The following VAT1L variants were observed in gnomAD, a reference collection of about 807,000 sequenced individuals.
The protein encoded by VAT1L is vesicle amine transport 1 like.
In VAT1L, 34 loss-of-function variants were observed where a neutral mutation model predicts 44.1. The ratio of observed to expected loss-of-function variants is 0.77; its 90% confidence interval spans 0.59 to 1.03. The LOEUF (loss-of-function observed/expected upper bound fraction) is 1.03, where lower values mean the gene tolerates loss of function less well. Ranked by LOEUF, VAT1L falls within the 50% of genes least tolerant of loss-of-function variation. The pLI is 0.00. For missense variants in VAT1L, 615 were observed against 538.8 expected, an observed-to-expected ratio of 1.14 and a Z score of -1.40; for synonymous variants, 253 against 202.2, an observed-to-expected ratio of 1.25 and a Z score of -2.13.
intron 1 of VAT1L, chr16:77,801,202 AT>A (rs5818087): frequency 0.74 from 111,823 of 151,250 alleles, 41,625 homozygotes; most frequent in Admixed American, 0.78. Flanking sequence ...GATCCCTGTG[AT>A]ACCAAGCATC....
chr16:77,890,544 A>T (rs1378434368), intron 7 of VAT1L, among the ~76,000 whole-genome samples: 2 of 152,188 alleles, frequency 1.3e-5, no homozygotes, highest in Non-Finnish European at 2.9e-5. Context: ...GTGGTCTCTG[A>T]TTAAAATTGC....
chr16:77,943,743 G>A (rs1033266938), intron 7 of VAT1L, among the ~76,000 whole-genome samples: 1 of 152,094 alleles, frequency 6.6e-6, no homozygotes, highest in African/African-American at 2.4e-5. Context: ...CACTAGCTGT[G>A]TGGTCTCAGA....
intron 7 of VAT1L, among the ~76,000 whole-genome samples, chr16:77,949,119 G>T (rs955735100): frequency 6.6e-6 from 1 of 152,182 alleles, no homozygotes; most frequent in East Asian, 1.9e-4. Flanking sequence ...GACCTTCAGA[G>T]AACAAACAGG....
chr16:77,962,522 G>A (rs931217196), intron 7 of VAT1L, among the ~76,000 whole-genome samples: 33 of 152,066 alleles, frequency 2.2e-4, no homozygotes, highest in South Asian at 4.1e-4. Flanking sequence ...ACAGAACCCA[G>A]TTGGAGTCCC....
At chr16:77,869,621 G>A (rs9938896) in intron 4 of VAT1L, among the ~76,000 whole-genome samples, 55,685 of 151,882 alleles carry the variant, frequency 0.37, 11,019 homozygotes, top group East Asian at 0.54. Context: ...GTGAGCTGTG[G>A]GCATGTCACT....
intron 7 of VAT1L, among the ~76,000 whole-genome samples, chr16:77,895,963 C>A (rs1281126260): frequency 6.6e-6 from 1 of 152,160 alleles, no homozygotes; most frequent in Non-Finnish European, 1.5e-5. Context: ...GTGCCACAGC[C>A]TGGGCAAAGG....
intron 4 of VAT1L, among the ~76,000 whole-genome samples, chr16:77,872,544 C>A (rs1032667268): frequency 6.6e-6 from 1 of 152,098 alleles, no homozygotes; most frequent in African/African-American, 2.4e-5. Context: ...CCGTGTGGTC[C>A]AACTCCCACC....
At chr16:77,871,401 T>C (rs903194209) in intron 4 of VAT1L, among the ~76,000 whole-genome samples, 1 of 152,148 alleles carries the variant, frequency 6.6e-6, no homozygotes, top group East Asian at 1.9e-4. Context: ...CCCACAAGTG[T>C]CTCCTTCTAG....
intron 7 of VAT1L, among the ~76,000 whole-genome samples, chr16:77,957,525 G>A (rs1031807760): frequency 2.6e-5 from 4 of 151,998 alleles, no homozygotes; most frequent in African/African-American, 9.7e-5. Flanking sequence ...AAGAGATCGA[G>A]ACCATCCAGG....
At chr16:77,898,711 C>G (rs2017350072) in intron 7 of VAT1L, among the ~76,000 whole-genome samples, 1 of 152,214 alleles carries the variant, frequency 6.6e-6, no homozygotes, top group South Asian at 2.1e-4. Context: ...CATCACCTTG[C>G]AGTCAAACCT....
chr16:77,876,507 CA>C (rs763881621), intron 5 of VAT1L, 34 bp downstream of exon 5: 56 of 1,578,328 alleles, frequency 3.5e-5, no homozygotes, highest in Non-Finnish European at 3.5e-6. Flanking sequence ...ACGTGGTCAG[CA>C]ATAGGTACCT....
intron 1 of VAT1L, among the ~76,000 whole-genome samples, chr16:77,815,880 A>G: frequency 2.0e-5 from 3 of 151,624 alleles, no homozygotes; most frequent in Non-Finnish European, 2.9e-5. Flanking sequence ...AGGCAGGAGA[A>G]TCGCTTGAAC....
intron 7 of VAT1L, among the ~76,000 whole-genome samples, chr16:77,929,724 G>C (rs2017706837): frequency 6.6e-6 from 1 of 152,134 alleles, no homozygotes; most frequent in Admixed American, 6.5e-5. Context: ...GGTGACATGA[G>C]GTAGGTGTTG....
intron 4 of VAT1L, among the ~76,000 whole-genome samples, chr16:77,870,438 A>C (rs2017019504): frequency 6.6e-6 from 1 of 152,198 alleles, no homozygotes; most frequent in African/African-American, 2.4e-5. Context: ...TTTCTTGGCA[A>C]GGTCAAAGGG....
intron 4 of VAT1L, 58 bp downstream of exon 4, chr16:77,862,948 C>T: frequency 1.3e-6 from 2 of 1,562,602 alleles, no homozygotes; most frequent in East Asian, 4.5e-5. Context: ...TCTCAAAGAG[C>T]AGTAGCACTT....
intron 3 of VAT1L, among the ~76,000 whole-genome samples, chr16:77,825,813 A>C (rs1013955738): frequency 2.0e-5 from 3 of 151,450 alleles, no homozygotes; most frequent in African/African-American, 7.3e-5. Context: ...TCAGGAGATC[A>C]AGACCATCCT....
Position 77,884,011 on chromosome 16 carries a change from G to A in VAT1L, c.883-597G>A, listed in dbSNP as rs995905560. Among the ~76,000 whole-genome samples the A allele has an allele frequency of 1.1e-4, 17 of 152,108 alleles. No individual in the cohort carries two copies. Among genetic ancestry groups the A allele is most frequent in the Admixed American group, 5.9e-4 (9 of 15,272 alleles). On this transcript the variant is annotated intron_variant, in intron 6 of 8. Transcript: ENST00000302536. The surrounding 1 kb of genome is among the most constrained non-coding windows in gnomAD (Gnocchi z 4.5). Reference sequence around the variant, plus strand: ...CGTTGTAGAGCCACGATTCAAGTCCGGAGCTGATGATCCTGACCATGTACT... The same window carrying A: ...CGTTGTAGAGCCACGATTCAAGTCCAGAGCTGATGATCCTGACCATGTACT...
At chr16:77,808,948 T>A (rs933802607) in intron 1 of VAT1L, among the ~76,000 whole-genome samples, 4 of 152,340 alleles carry the variant, frequency 2.6e-5, no homozygotes, top group African/African-American at 9.6e-5. Flanking sequence ...AGCCCCTTGT[T>A]AACTTTGGGC....
chr16:77,935,630 AAGAGAG>A (rs754547336), intron 7 of VAT1L, among the ~76,000 whole-genome samples: 1 of 149,222 alleles, frequency 6.7e-6, no homozygotes, highest in Non-Finnish European at 1.5e-5. Flanking sequence ...GAGTGGGGGG[AAGAGAG>A]AGAGAGAGAA....
Sources: gnomAD v4.1 joint callset for allele counts (sites outside exome capture counted in the v4.1 genomes callset) on GRCh38, gnomAD v4.1.1 for gene constraint, Gnocchi (gnomAD v3.1) non-coding constraint, MANE v1.5 for transcripts, NCBI Gene and HGNC (gene_info 2026-07-23, HGNC 2026-07-21) for gene names.